DOCK1: variants seen among roughly 807,000 people sequenced by gnomAD.
DOCK1 encodes the protein dedicator of cytokinesis 1.
In DOCK1, 138 loss-of-function variants were observed where a neutral mutation model predicts 262.7. The observed-to-expected ratio is 0.53, with a 90% CI of 0.46 to 0.61. The LOEUF (loss-of-function observed/expected upper bound fraction) is 0.61, where lower values mean the gene tolerates loss of function less well. Among genes scored for constraint, DOCK1 ranks in the 20% least tolerant of loss-of-function variants. DOCK1 has a pLI of 0.00. For missense variants in DOCK1, 1,908 were observed against 2,370.7 expected (o/e 0.80, Z 4.05); for synonymous variants, 866 against 867.4 (o/e 1.00, Z 0.03).
chr10:126,971,254 T>A (rs1424728283), intron 2 of DOCK1, among the ~76,000 whole-genome samples: 1 of 152,000 alleles, frequency 6.6e-6, no homozygotes, highest in Non-Finnish European at 1.5e-5. Context: ...CATTTCACCC[T>A]GTTGGTCAGG....
chr10:127,033,496 C>T (rs1324832692), intron 18 of DOCK1, among the ~76,000 whole-genome samples: 1 of 152,184 alleles, frequency 6.6e-6, no homozygotes, highest in Admixed American at 6.5e-5. Flanking sequence ...TTGAATCTTC[C>T]AAATGCAGCC....
intron 29 of DOCK1, among the ~76,000 whole-genome samples, chr10:127,328,330 A>G (rs924460282): frequency 1.3e-5 from 2 of 152,196 alleles, no homozygotes; most frequent in African/African-American, 4.8e-5. Flanking sequence ...TTTTCTCTTA[A>G]GCATTTCTGC....
intron 23 of DOCK1, among the ~76,000 whole-genome samples, chr10:127,076,540 G>A (rs1242564001): frequency 3.9e-5 from 6 of 152,144 alleles, no homozygotes; most frequent in African/African-American, 4.8e-5. Context: ...AAAACGGGTC[G>A]TGGCGTAAAC....
chr10:126,962,254 G>A (rs1474854766), intron 1 of DOCK1, among the ~76,000 whole-genome samples: 6 of 151,438 alleles, frequency 4.0e-5, no homozygotes, highest in African/African-American at 1.2e-4. Context: ...CCGCCTCCCC[G>A]GTTCGAACAA....
chr10:127,319,806 C>A (rs1209309637), intron 29 of DOCK1, among the ~76,000 whole-genome samples: 1 of 152,188 alleles, frequency 6.6e-6, no homozygotes, highest in African/African-American at 2.4e-5. Context: ...TTGTGTTTAA[C>A]CTGAGCTCTG....
chr10:127,213,942 C>T (rs572030115), intron 27 of DOCK1, among the ~76,000 whole-genome samples: 1 of 152,308 alleles, frequency 6.6e-6, no homozygotes, highest in South Asian at 2.1e-4. Flanking sequence ...GGGGTTCACG[C>T]CATTCTCCTG....
rs532024569 is a variant in DOCK1 at position 127,227,081 on chromosome 10, C to T, written c.2848-20927C>T. ...GCTTGTTTTTATTAACGAATGAGTACACGATCCCAGGAATCTCGTTGAAGT... is the reference window on the plus strand; with the variant it reads ...GCTTGTTTTTATTAACGAATGAGTATACGATCCCAGGAATCTCGTTGAAGT... On this transcript the variant is annotated intron_variant, in intron 27 of 51. Transcript: ENST00000623213. Among the ~76,000 whole-genome samples the T allele has an allele frequency of 3.3e-5, 5 of 152,318 alleles. No individual in the cohort carries two copies. The South Asian group carries it at 1.0e-3, about 32-fold the overall frequency.
chr10:127,385,699 G>A (rs560516256), intron 38 of DOCK1, among the ~76,000 whole-genome samples: 2 of 152,358 alleles, frequency 1.3e-5, no homozygotes, highest in South Asian at 4.1e-4. Flanking sequence ...TGATGTCACA[G>A]TGTTGGCGTG....
chr10:127,117,132 T>TAAAAA (rs2049234610), intron 25 of DOCK1, among the ~76,000 whole-genome samples: 1 of 152,242 alleles, frequency 6.6e-6, no homozygotes. Context: ...TTCAGGTTTT[T>TAAAAA]AATTGTTTCT....
At chr10:127,049,861 A>G (rs998522315) in intron 21 of DOCK1, among the ~76,000 whole-genome samples, 4 of 152,280 alleles carry the variant, frequency 2.6e-5, no homozygotes, top group African/African-American at 9.6e-5. Context: ...ATAAGGACAG[A>G]CAAAAAGTTC....
chr10:127,286,871 T>G (rs2061172930), intron 29 of DOCK1, among the ~76,000 whole-genome samples: 1 of 151,946 alleles, frequency 6.6e-6, no homozygotes, highest in African/African-American at 2.4e-5. Flanking sequence ...TTTTTCTTTT[T>G]TTTTTTCTTT....
intron 29 of DOCK1, among the ~76,000 whole-genome samples, chr10:127,277,886 C>T (rs957857877): frequency 1.3e-5 from 2 of 152,142 alleles, no homozygotes; most frequent in Non-Finnish European, 2.9e-5. Flanking sequence ...TCTTTTTAAT[C>T]TTTTCAAATC....
At chr10:126,942,417 G>A (rs2035084543) in intron 1 of DOCK1, among the ~76,000 whole-genome samples, 1 of 152,160 alleles carries the variant, frequency 6.6e-6, no homozygotes, top group African/African-American at 2.4e-5. Context: ...CTTTTCGAGT[G>A]GGGTGAAGCT....
Position 127,280,758 on chromosome 10 carries a change from G to A in DOCK1, c.3044+23329G>A, listed in dbSNP as rs148262014. Among the ~76,000 whole-genome samples the A allele has an allele frequency of 6.8e-4, 104 of 152,270 alleles. 1 individual carries two copies. In the East Asian group the frequency reaches 0.016, roughly 24 times the overall value. ...TTCTGAGAGGTTTCATACTGTTGTC[G>A]ACACCTGTGCTGGTGTAGAATTGCA... On this transcript the variant is annotated intron_variant, in intron 29 of 51. Transcript: ENST00000623213.
chr10:127,410,965 A>T (rs371904149), intron 43 of DOCK1, 41 bp downstream of exon 43: 43 of 1,589,842 alleles, frequency 2.7e-5, no homozygotes, highest in Non-Finnish European at 3.7e-5. Flanking sequence ...AACAAAAAAT[A>T]TCATTCCGCC....
At chr10:127,250,468 A>G (rs1204443604) in intron 28 of DOCK1, among the ~76,000 whole-genome samples, 4 of 152,056 alleles carry the variant, frequency 2.6e-5, no homozygotes, top group African/African-American at 9.7e-5. Flanking sequence ...AGAAAAATCA[A>G]TGATTTGTAG....
In DOCK1 at chr10:126,995,801, G is replaced by T. The variant is rs1239755341; in HGVS notation, c.474-947G>T. Among the ~76,000 whole-genome samples, 1 of 152,234 alleles carries T rather than the reference G, an allele frequency of 6.6e-6. No individual in the cohort carries two copies. Among genetic ancestry groups the T allele is most frequent in the Non-Finnish European group, 1.5e-5 (1 of 68,042 alleles). On this transcript the variant is annotated intron_variant, in intron 6 of 51. Transcript: ENST00000623213. This position sits in a 1 kb window ranked among gnomAD's most constrained non-coding sequence, Gnocchi z 5.8. Reference sequence around the variant, plus strand: ...GGCCAGGAAGTTGCTTAACCTTATTGTAGATAACGTCCATATGTTTGGTGT... The same window carrying T: ...GGCCAGGAAGTTGCTTAACCTTATTTTAGATAACGTCCATATGTTTGGTGT...
At chr10:127,144,152 T>C (rs948270116) in intron 27 of DOCK1, among the ~76,000 whole-genome samples, 1 of 152,184 alleles carries the variant, frequency 6.6e-6, no homozygotes, top group Non-Finnish European at 1.5e-5. Flanking sequence ...TTAGTCTCCC[T>C]CACTCTCTGT....
chr10:127,141,756 TTGTGTCCTCCCC>T (rs1179081379), intron 27 of DOCK1, among the ~76,000 whole-genome samples: 4 of 152,206 alleles, frequency 2.6e-5, no homozygotes, highest in African/African-American at 2.4e-5. Flanking sequence ...AAAAATTATG[TTGTGTCCTCCCC>T]TGTGTCCTCC....
Sources: allele counts gnomAD v4.1 joint callset (sites outside exome capture counted in the v4.1 genomes callset), GRCh38; gene constraint gnomAD v4.1.1; non-coding constraint Gnocchi (gnomAD v3.1); transcripts MANE v1.5; gene names NCBI Gene and HGNC (gene_info 2026-07-23, HGNC 2026-07-21).